Variants in BCR observed in about 807,000 individuals in gnomAD.
The protein encoded by BCR is breakpoint cluster region protein.
In BCR, 58 loss-of-function variants were observed where a neutral mutation model predicts 138.6. The observed-to-expected ratio is 0.42, with a 90% CI of 0.34 to 0.52. The LOEUF is 0.52. Among genes scored for constraint, BCR ranks in the 20% least tolerant of loss-of-function variants. BCR has a pLI of 0.06. For missense variants in BCR, 1,599 were observed against 1,727.2 expected (o/e 0.93, Z 1.32); for synonymous variants, 786 against 730.1 (o/e 1.08, Z -1.23).
intron 1 of BCR, chr22:23,217,004 A>G (rs1363725445): frequency 2.5e-5 from 11 of 448,172 alleles, no homozygotes; most frequent in South Asian, 6.3e-5. Flanking sequence ...GCTGGACTCT[A>G]CCTCTTGATG....
At chr22:23,232,686 T>C (rs983086970) in intron 1 of BCR, among the ~76,000 whole-genome samples, 1 of 152,214 alleles carries the variant, frequency 6.6e-6, no homozygotes. Context: ...GCCTACCTGC[T>C]GCACCCGTGA....
rs537583923 is a variant in BCR at position 23,315,828 on chromosome 22, GAACTT to G, written c.*313_*317del. The G allele has an allele frequency of 5.8e-4, 271 of 466,024 alleles. 1 individual carries two copies. Among genetic ancestry groups the G allele is most frequent in the African/African-American group, 4.6e-3 (238 of 51,388 alleles). 28.9% of individuals were successfully genotyped at this position (466,024 alleles called of 1,614,324 possible). On this transcript the variant is annotated 3_prime_UTR_variant, in exon 23 of 23. Coordinates refer to ENST00000305877, the MANE Select transcript of BCR (RefSeq NM_004327.4). ...ACAGGGTGAAGGGAGTGGTTTTTAT[GAACTT>G]AACTTAGAGTCTAAAAGATTTCTAC...
intron 17 of BCR, 183 bp downstream of exon 17, chr22:23,309,666 G>C: frequency 1.7e-6 from 1 of 599,854 alleles, no homozygotes; most frequent in Non-Finnish European, 3.0e-6. Context: ...TCATTGGCTG[G>C]AATGCAGTTG....
chr22:23,278,409 A>G (rs1184141132), intron 8 of BCR, among the ~76,000 whole-genome samples: 2 of 152,190 alleles, frequency 1.3e-5, no homozygotes, highest in African/African-American at 2.4e-5. Flanking sequence ...AGGAGAACCA[A>G]GGTCTTTCAG....
chr22:23,184,536 A>T (rs2072314633), intron 1 of BCR, among the ~76,000 whole-genome samples: 1 of 152,264 alleles, frequency 6.6e-6, no homozygotes, highest in African/African-American at 2.4e-5. Flanking sequence ...GCAATTTCCC[A>T]CATACTCCCT....
At chr22:23,218,794 T>C (rs2072786730) in intron 1 of BCR, among the ~76,000 whole-genome samples, 1 of 152,242 alleles carries the variant, frequency 6.6e-6, no homozygotes, top group South Asian at 2.1e-4. Flanking sequence ...CAGAGGGGAC[T>C]CCTGTAAAGG....
chr22:23,261,381 C>T lies in BCR; in HGVS notation c.1593C>T (p.Ala531=). The T allele has an allele frequency of 2.5e-6, 4 of 1,613,322 alleles. No individual in the cohort carries two copies. Among genetic ancestry groups the T allele is most frequent in the Non-Finnish European group, 3.4e-6 (4 of 1,179,674 alleles). The change falls in exon 4 of 23, where the codon GCC becomes GCT. Residue 531 remains alanine (A), a synonymous_variant. Coordinates refer to ENST00000305877, the MANE Select transcript of BCR (RefSeq NM_004327.4). ...LLPMKPLKAA[A]TTSQPVLTSQ... is the part of the protein sequence containing the mutation. ...CCATGAAGCCTTTGAAAGCCGCTGCCACCACCTCTCAGCCGGTGCTGACGA... is the reference window on the plus strand; with the variant it reads ...CCATGAAGCCTTTGAAAGCCGCTGCTACCACCTCTCAGCCGGTGCTGACGA...
At chr22:23,298,285 G>A (rs757577911) in intron 16 of BCR, among the ~76,000 whole-genome samples, 1 of 152,192 alleles carries the variant, frequency 6.6e-6, no homozygotes, top group Non-Finnish European at 1.5e-5. Flanking sequence ...GATGGCGTGG[G>A]GTGAGGAATC....
chr22:23,232,046 G>A (rs542501865), intron 1 of BCR, among the ~76,000 whole-genome samples: 2 of 152,210 alleles, frequency 1.3e-5, no homozygotes, highest in East Asian at 1.9e-4. Flanking sequence ...TGCTCTCCAT[G>A]TAGTAACTAA....
intron 1 of BCR, among the ~76,000 whole-genome samples, chr22:23,217,557 G>A (rs1227883947): frequency 2.0e-5 from 3 of 152,312 alleles, no homozygotes; most frequent in South Asian, 2.1e-4. Context: ...CCATACTTAT[G>A]TAGGATTAGG....
At chr22:23,236,027 A>C (rs1044416479) in intron 1 of BCR, among the ~76,000 whole-genome samples, 2 of 152,086 alleles carry the variant, frequency 1.3e-5, no homozygotes, top group African/African-American at 4.8e-5. Flanking sequence ...TCAGAGTGCC[A>C]CCCCCACATC....
At chr22:23,208,992 G>A (rs960986822) in intron 1 of BCR, among the ~76,000 whole-genome samples, 2 of 152,176 alleles carry the variant, frequency 1.3e-5, no homozygotes, top group African/African-American at 2.4e-5. Flanking sequence ...TATAGCCTTC[G>A]TCTTTTGTTC....
At position 23,315,362 on chromosome 22, in the gene BCR, C is replaced by T. The variant is rs1184331000; in HGVS notation, c.3727-71C>T. On this transcript the variant is annotated intron_variant, in intron 22 of 22. Transcript: ENST00000305877. ...GAGATGGACTTGGAGGCTTGGGCCC[C>T]AAAGACCTCCCACCAGCAGCTGTGA... 1.1e-4 allele frequency: 159 copies of T among 1,466,092 alleles called. 1 individual carries two copies. Among genetic ancestry groups the T allele is most frequent in the Non-Finnish European group, 1.5e-4 (152 of 1,048,222 alleles). The allele number at this position is 1,466,092 out of a possible 1,614,324, so 90.8% of individuals were successfully genotyped here.
At chr22:23,193,781 CAG>C (rs1417978326) in intron 1 of BCR, among the ~76,000 whole-genome samples, 2 of 152,256 alleles carry the variant, frequency 1.3e-5, no homozygotes, top group African/African-American at 4.8e-5. Context: ...TCTTCTCTCA[CAG>C]GGGTCCCTGT....
At chr22:23,233,804 G>GA (rs1190794427) in intron 1 of BCR, among the ~76,000 whole-genome samples, 3 of 87,890 alleles carry the variant, frequency 3.4e-5, no homozygotes, top group African/African-American at 1.5e-4. Context: ...AAAAAAAAAA[G>GA]AAAAAAAAGA....
At chr22:23,185,328 C>T (rs1376821180) in intron 1 of BCR, among the ~76,000 whole-genome samples, 1 of 152,150 alleles carries the variant, frequency 6.6e-6, no homozygotes, top group East Asian at 1.9e-4. Flanking sequence ...CCTGGGCCCG[C>T]CTGTGGGGGT....
At chr22:23,184,108 A>T (rs550023632) in intron 1 of BCR, among the ~76,000 whole-genome samples, 1 of 152,238 alleles carries the variant, frequency 6.6e-6, no homozygotes, top group South Asian at 2.1e-4. Context: ...TGTTTTTAAG[A>T]GACAGCGTCT....
chr22:23,287,317 C>A (rs376328746), intron 11 of BCR, 39 bp downstream of exon 11: 2 of 1,495,410 alleles, frequency 1.3e-6, no homozygotes, highest in South Asian at 1.3e-5. Flanking sequence ...GCTCTCCTGG[C>A]CTGGGATGGG....
intron 16 of BCR, among the ~76,000 whole-genome samples, chr22:23,303,953 A>ATTGGTTTTTTTTTTTTTTCCC (rs2073930106): frequency 3.8e-5 from 1 of 26,578 alleles, no homozygotes; most frequent in Non-Finnish European, 7.0e-5. Context: ...TTTTTTTTTT[A>ATTGGTTTTTTTTTTTTTTCCC]AGACAGGGTC....
Sources: gnomAD v4.1 joint callset for allele counts (sites outside exome capture counted in the v4.1 genomes callset) on GRCh38, gnomAD v4.1.1 for gene constraint, MANE v1.5 for transcripts, NCBI Gene and HGNC (gene_info 2026-07-23, HGNC 2026-07-21) for gene names.